TNKS: variants seen among roughly 807,000 people sequenced by gnomAD.
TNKS encodes tankyrase.
TNKS carries 72 observed loss-of-function variants against 135.8 expected under a neutral mutation model. The ratio of observed to expected loss-of-function variants is 0.53; its 90% CI spans 0.44 to 0.64. The LOEUF (loss-of-function observed/expected upper bound fraction) is 0.64. Among genes scored for constraint, TNKS ranks in the 30% least tolerant of loss-of-function variants. The pLI, the probability that TNKS is intolerant of heterozygous loss-of-function variation, is 0.00. For synonymous variants in TNKS, 849 were observed against 649.3 expected, an observed-to-expected ratio of 1.31 and a Z score of -4.68; for missense variants, 1,769 against 1,674.0, an observed-to-expected ratio of 1.06 and a Z score of -0.99.
At chr8:9,583,835 C>G (rs888622347) in intron 2 of TNKS, among the ~76,000 whole-genome samples, 3 of 150,218 alleles carry the variant, frequency 2.0e-5, no homozygotes, top group African/African-American at 7.3e-5. Flanking sequence ...ATTTTAAAAG[C>G]AAATTATAAG....
intron 3 of TNKS, among the ~76,000 whole-genome samples, chr8:9,656,765 C>G (rs998846925): frequency 7.3e-5 from 11 of 151,210 alleles, no homozygotes; most frequent in East Asian, 1.9e-4. Context: ...GAGGACCCCA[C>G]GGCCTTCCGC....
In TNKS at chr8:9,661,729, C is replaced by T. The variant is rs1205242693; in HGVS notation, c.995-18222C>T. Among the ~76,000 whole-genome samples the T allele has an allele frequency of 1.8e-4, 27 of 152,154 alleles. 1 individual carries two copies. The highest frequency in any genetic ancestry group is 2.0e-4 in the Admixed American group (3 of 15,282). Reference sequence around the variant, plus strand: ...CAATGGCAACAAAAGTCAAAATTGACAAATGGGATCTAATTAAACTCAAGA... The same window carrying T: ...CAATGGCAACAAAAGTCAAAATTGATAAATGGGATCTAATTAAACTCAAGA... On this transcript the variant is annotated intron_variant, in intron 3 of 26. Transcript: ENST00000310430.
At chr8:9,638,766 G>A (rs535374771) in intron 3 of TNKS, among the ~76,000 whole-genome samples, 1 of 152,166 alleles carries the variant, frequency 6.6e-6, no homozygotes, top group South Asian at 2.1e-4. Flanking sequence ...TTAAATGTGT[G>A]AAAAGCCATA....
At chr8:9,604,055 A>G (rs943187353) in intron 2 of TNKS, among the ~76,000 whole-genome samples, 1 of 152,158 alleles carries the variant, frequency 6.6e-6, no homozygotes, top group Non-Finnish European at 1.5e-5. Flanking sequence ...GCAAATGAAA[A>G]TAAGTACTAC....
At chr8:9,578,208 T>C (rs1009006315) in intron 1 of TNKS, among the ~76,000 whole-genome samples, 7 of 152,202 alleles carry the variant, frequency 4.6e-5, no homozygotes, top group African/African-American at 1.7e-4. Context: ...TCAGGCTTTA[T>C]TCAGATCCGT....
chr8:9,754,399 G>A (rs1458679699), intron 20 of TNKS, among the ~76,000 whole-genome samples: 1 of 151,804 alleles, frequency 6.6e-6, no homozygotes, highest in East Asian at 1.9e-4. Flanking sequence ...TGGCACCTTT[G>A]GCCCATTATG....
intron 5 of TNKS, among the ~76,000 whole-genome samples, chr8:9,700,826 C>T (rs1348622344): frequency 2.0e-5 from 3 of 152,066 alleles, no homozygotes; most frequent in Non-Finnish European, 2.9e-5. Flanking sequence ...ATATAAATTT[C>T]AGTAGTTTAA....
intron 2 of TNKS, among the ~76,000 whole-genome samples, chr8:9,606,556 A>G (rs974610467): frequency 6.6e-5 from 10 of 152,116 alleles, no homozygotes; most frequent in African/African-American, 1.7e-4. Context: ...GAGTATGTCT[A>G]TGTTTCACTT....
chr8:9,652,990 A>G (rs1801200786), intron 3 of TNKS, among the ~76,000 whole-genome samples: 2 of 152,202 alleles, frequency 1.3e-5, no homozygotes, highest in African/African-American at 2.4e-5. Flanking sequence ...AGAACTCACC[A>G]GTGATTCCCT....
chr8:9,636,313 A>G (rs894135289), intron 3 of TNKS, among the ~76,000 whole-genome samples: 15 of 152,320 alleles, frequency 9.8e-5, no homozygotes, highest in African/African-American at 3.6e-4. Context: ...CATAAGAAAG[A>G]AAAAGGAAAA....
intron 5 of TNKS, among the ~76,000 whole-genome samples, chr8:9,691,128 T>C (rs1324456730): frequency 6.6e-6 from 1 of 152,230 alleles, no homozygotes; most frequent in Non-Finnish European, 1.5e-5. Flanking sequence ...AAAATTCTTC[T>C]CTAATAAGCA....
intron 20 of TNKS, among the ~76,000 whole-genome samples, chr8:9,758,284 A>G (rs1338292852): frequency 6.6e-6 from 1 of 152,210 alleles, no homozygotes; most frequent in Non-Finnish European, 1.5e-5. Flanking sequence ...GTATATTTAT[A>G]TTCAGTTGCA....
chr8:9,736,374 ATT>A (rs1805706269), intron 17 of TNKS, among the ~76,000 whole-genome samples: 1 of 147,022 alleles, frequency 6.8e-6, no homozygotes, highest in African/African-American at 2.5e-5. Context: ...AAAAAAAAAA[ATT>A]AAATGGTTGA....
At chr8:9,588,169 A>C (rs982806760) in intron 2 of TNKS, among the ~76,000 whole-genome samples, 2 of 152,216 alleles carry the variant, frequency 1.3e-5, no homozygotes, top group Admixed American at 6.5e-5. Context: ...TTAGGTGTGG[A>C]GAGTCCTTGT....
At chr8:9,639,132 G>A (rs1800629260) in intron 3 of TNKS, among the ~76,000 whole-genome samples, 1 of 152,140 alleles carries the variant, frequency 6.6e-6, no homozygotes, top group Admixed American at 6.5e-5. Context: ...CTATTGTCCA[G>A]TAGTGTGATA....
intron 3 of TNKS, among the ~76,000 whole-genome samples, chr8:9,643,546 A>G (rs911261665): frequency 6.6e-6 from 1 of 152,124 alleles, no homozygotes; most frequent in Non-Finnish European, 1.5e-5. Flanking sequence ...TTTCCAACAT[A>G]CAAACTTGGA....
intron 23 of TNKS, 43 bp from the exon 24 acceptor site, chr8:9,765,649 G>A: frequency 1.3e-6 from 2 of 1,485,452 alleles, no homozygotes; most frequent in Non-Finnish European, 1.9e-6. Context: ...AATCATAAAT[G>A]CACGTTTCAC....
intron 20 of TNKS, among the ~76,000 whole-genome samples, chr8:9,756,083 T>G (rs1585423052): frequency 6.6e-6 from 1 of 152,340 alleles, no homozygotes; most frequent in East Asian, 1.9e-4. Context: ...TTATTTACAC[T>G]GCAATTCCTA....
At chr8:9,718,898 C>G (rs920840012) in intron 11 of TNKS, among the ~76,000 whole-genome samples, 1 of 152,160 alleles carries the variant, frequency 6.6e-6, no homozygotes, top group African/African-American at 2.4e-5. Context: ...TGTTCCCATG[C>G]TTCAATAAGT....
Sources: gnomAD v4.1 joint callset for allele counts (sites outside exome capture counted in the v4.1 genomes callset) on GRCh38, gnomAD v4.1.1 for gene constraint, MANE v1.5 for transcripts, NCBI Gene and HGNC (gene_info 2026-07-23, HGNC 2026-07-21) for gene names.